Variants in PRR16 observed in about 807,000 individuals in gnomAD.
The protein encoded by PRR16 is protein Largen.
PRR16 carries 6 observed loss-of-function variants against 18.2 expected under a neutral mutation model. The ratio of observed to expected loss-of-function variants is 0.33; its 90% CI spans 0.18 to 0.65. PRR16 has a LOEUF of 0.65. Ranked by LOEUF, PRR16 falls within the 30% of genes least tolerant of loss-of-function variation. The probability of loss-of-function intolerance (pLI) is 0.74; values close to 1 mark genes in which losing one functional copy is unlikely to be tolerated. For synonymous variants in PRR16, 151 were observed against 147.8 expected (o/e 1.02, Z -0.16); for missense variants, 412 against 376.6 (o/e 1.09, Z -0.78).
the PRR16 span, among the ~76,000 whole-genome samples, chr5:120,695,959 C>T: frequency 2.0e-5 from 3 of 151,504 alleles, no homozygotes; most frequent in Non-Finnish European, 2.9e-5. Flanking sequence ...ATATATAAAA[C>T]CGGCCATGCA....
chr5:120,587,227 A>G (rs1445327864), intron 1 of PRR16, among the ~76,000 whole-genome samples: 2 of 152,248 alleles, frequency 1.3e-5, no homozygotes, highest in African/African-American at 4.8e-5. Context: ...CAATTTCTAT[A>G]ACATAAAAGT....
chr5:120,512,239 T>C (rs1055319143), intron 1 of PRR16, among the ~76,000 whole-genome samples: 2 of 127,578 alleles, frequency 1.6e-5, no homozygotes, highest in African/African-American at 6.6e-5. Flanking sequence ...CCCCACCTAT[T>C]GTCCTTAATT....
At chr5:120,622,698 C>T (rs1377871631) in intron 1 of PRR16, among the ~76,000 whole-genome samples, 1 of 151,870 alleles carries the variant, frequency 6.6e-6, no homozygotes, top group Non-Finnish European at 1.5e-5. Context: ...AGGATGGTCT[C>T]GATCTCCTGA....
rs897917450 is a variant in PRR16 at position 120,464,715 on chromosome 5, C to A, written c.159+70C>A. On this transcript the variant is annotated intron_variant, in intron 1 of 1. Coordinates refer to ENST00000407149, the MANE Select transcript of PRR16 (RefSeq NM_001300783.2). ...CCTCCGGGGTCCCCTTTCCGATTTT[C>A]AGCAGGGACAGCCAGATTTCCAAAC... The A allele has an allele frequency of 6.4e-6, 9 of 1,407,070 alleles. No homozygotes were observed. In the Admixed American group the frequency reaches 2.3e-4, roughly 35 times the overall value. The allele number at this position is 1,407,070 out of a possible 1,614,324, so 87.2% of individuals were successfully genotyped here. A position where few individuals can be genotyped will look rare whatever the true frequency, so the allele number is the denominator to read the frequency against.
In PRR16 at chr5:120,550,041, A is replaced by G. The variant is rs537141417; in HGVS notation, c.159+85396A>G. ...GAAATTGGAGAATGTATCAAAATTA[A>G]CTGAATGACAAGAGGAGATTAGTAT... On this transcript the variant is annotated intron_variant, in intron 1 of 1. Transcript: ENST00000407149. Among the ~76,000 whole-genome samples the G allele has an allele frequency of 4.6e-5, 7 of 152,186 alleles. 1 individual carries two copies. In the South Asian group the frequency reaches 1.4e-3, roughly 32 times the overall value.
chr5:120,553,781 C>T (rs1420239417), intron 1 of PRR16, among the ~76,000 whole-genome samples: 2 of 151,832 alleles, frequency 1.3e-5, no homozygotes, highest in Non-Finnish European at 2.9e-5. Flanking sequence ...ATAATAACCT[C>T]AACGACATTA....
At chr5:120,671,126 C>A (rs115482685) in intron 1 of PRR16, among the ~76,000 whole-genome samples, 3 of 152,220 alleles carry the variant, frequency 2.0e-5, no homozygotes, top group African/African-American at 4.8e-5. Flanking sequence ...TACACACACA[C>A]CATACCCCTT....
chr5:120,719,258 G>A, the PRR16 span, among the ~76,000 whole-genome samples: 1 of 151,974 alleles, frequency 6.6e-6, no homozygotes, highest in Non-Finnish European at 1.5e-5. Context: ...TGATTGACCA[G>A]AGTGATAATG....
At chr5:120,646,074 A>ATATATATATATATATATATC (rs1475860368) in intron 1 of PRR16, among the ~76,000 whole-genome samples, 35 of 136,348 alleles carry the variant, frequency 2.6e-4, no homozygotes, top group Non-Finnish European at 4.5e-4. Context: ...ATATATATAT[A>ATATATATATATATATATATC]TCATAGTTTC....
At chr5:120,732,044 C>A in the PRR16 span, among the ~76,000 whole-genome samples, 6 of 152,098 alleles carry the variant, frequency 3.9e-5, no homozygotes, top group East Asian at 1.2e-3. Context: ...GTAGGAGATG[C>A]AAGTGCTCAG....
chr5:120,714,614 T>G, the PRR16 span, among the ~76,000 whole-genome samples: 1 of 152,176 alleles, frequency 6.6e-6, no homozygotes, highest in African/African-American at 2.4e-5. Flanking sequence ...AAAAATGCTA[T>G]TTGATCCAGC....
At chr5:120,501,067 G>A (rs1750436588) in intron 1 of PRR16, among the ~76,000 whole-genome samples, 1 of 151,964 alleles carries the variant, frequency 6.6e-6, no homozygotes, top group African/African-American at 2.4e-5. Flanking sequence ...AAAGAATTCA[G>A]GGAGGAAACA....
intron 1 of PRR16, among the ~76,000 whole-genome samples, chr5:120,535,008 C>T (rs913640525): frequency 6.6e-6 from 1 of 151,722 alleles, no homozygotes; most frequent in Non-Finnish European, 1.5e-5. Context: ...ATACATGCAT[C>T]TAAATAATGT....
intron 1 of PRR16, among the ~76,000 whole-genome samples, chr5:120,683,496 C>T (rs202142446): frequency 8.9e-6 from 1 of 112,240 alleles, no homozygotes; most frequent in South Asian, 3.0e-4. Context: ...TGTGACACTC[C>T]GTCTCAAAAA....
chr5:120,589,554 G>T (rs1052061953), intron 1 of PRR16, among the ~76,000 whole-genome samples: 7 of 152,138 alleles, frequency 4.6e-5, no homozygotes, highest in African/African-American at 1.7e-4. Context: ...GAGGATAAAA[G>T]AGGTTTAATT....
chr5:120,645,452 T>C (rs564625033), intron 1 of PRR16, among the ~76,000 whole-genome samples: 1 of 141,482 alleles, frequency 7.1e-6, no homozygotes, highest in South Asian at 2.3e-4. Flanking sequence ...GAAGTGCAAC[T>C]TCAATTTTCC....
At chr5:120,766,718 G>C in the PRR16 span, among the ~76,000 whole-genome samples, 1 of 151,804 alleles carries the variant, frequency 6.6e-6, no homozygotes, top group Non-Finnish European at 1.5e-5. Flanking sequence ...TTATAGAGTT[G>C]GGTATACAAT....
chr5:120,729,960 A>T, the PRR16 span, among the ~76,000 whole-genome samples: 1 of 152,118 alleles, frequency 6.6e-6, no homozygotes, highest in African/African-American at 2.4e-5. Flanking sequence ...CAGTACCTCA[A>T]AAATGCCAAG....
chr5:120,754,834 A>G, the PRR16 span, among the ~76,000 whole-genome samples: 1 of 151,018 alleles, frequency 6.6e-6, no homozygotes, highest in Non-Finnish European at 1.5e-5. Flanking sequence ...AGGTCAAAAG[A>G]TATGGATCAA....
Sources: allele counts gnomAD v4.1 joint callset (sites outside exome capture counted in the v4.1 genomes callset), GRCh38; gene constraint gnomAD v4.1.1; transcripts MANE v1.5; gene names NCBI Gene and HGNC (gene_info 2026-07-23, HGNC 2026-07-21).